The following WDTC1 variants were observed in gnomAD, a reference collection of about 807,000 sequenced individuals.
The protein encoded by WDTC1 is WD and tetratricopeptide repeats protein 1.
A neutral mutation model predicts 76.0 loss-of-function variants in WDTC1; 12 were observed. The ratio of observed to expected loss-of-function variants is 0.16; its 90% CI spans 0.10 to 0.26. The LOEUF (loss-of-function observed/expected upper bound fraction) is 0.26, where lower values mean the gene tolerates loss of function less well. Among genes scored for constraint, WDTC1 ranks in the 10% least tolerant of loss-of-function variants. WDTC1 has a pLI of 1.00. For missense variants in WDTC1, 511 were observed against 908.8 expected (o/e 0.56, Z 5.63); for synonymous variants, 326 against 350.8 (o/e 0.93, Z 0.79).
intron 2 of WDTC1, 65 bp downstream of exon 2, chr1:27,261,167 G>C: frequency 6.2e-7 from 1 of 1,600,278 alleles, no homozygotes; most frequent in Non-Finnish European, 8.5e-7. Flanking sequence ...TGATTTTACA[G>C]ATGAAAAAAC....
At chr1:27,270,614 G>A (rs745832222) in intron 3 of WDTC1, among the ~76,000 whole-genome samples, 1 of 152,106 alleles carries the variant, frequency 6.6e-6, no homozygotes, top group Non-Finnish European at 1.5e-5. Flanking sequence ...AATTGCTTGA[G>A]CCTGGGGGGA....
At position 27,296,532 on chromosome 1, in the gene WDTC1, C is replaced by A. The variant is rs553658737; in HGVS notation, c.949+131C>A. On this transcript the variant is annotated intron_variant, in intron 10 of 15. Coordinates refer to ENST00000319394, the MANE Select transcript of WDTC1 (RefSeq NM_001276252.2). Reference sequence around the variant, plus strand: ...AAAATAGCAGATCTCTGAAATAACCCCACCTATGCAGTAAGAAAGAGGATG... The same window carrying A: ...AAAATAGCAGATCTCTGAAATAACCACACCTATGCAGTAAGAAAGAGGATG... 5.0e-4 allele frequency: 452 copies of A among 912,556 alleles called. 3 individuals are homozygous for A. Among genetic ancestry groups the A allele is most frequent in the Non-Finnish European group, 5.4e-4 (313 of 576,510 alleles). The allele number at this position is 912,556 out of a possible 1,614,324, so 56.5% of individuals were successfully genotyped here.
chr1:27,262,442 G>A (rs1370959955), intron 2 of WDTC1, among the ~76,000 whole-genome samples: 2 of 151,784 alleles, frequency 1.3e-5, no homozygotes, highest in South Asian at 2.1e-4. Context: ...AGGCTGGAGT[G>A]CAGTGGCATG....
At chr1:27,247,467 C>A (rs189308321) in intron 1 of WDTC1, among the ~76,000 whole-genome samples, 57 of 152,244 alleles carry the variant, frequency 3.7e-4, no homozygotes, top group Middle Eastern at 3.4e-3. Flanking sequence ...TTCTGATCCT[C>A]TTCCTCTTCC....
intron 6 of WDTC1, among the ~76,000 whole-genome samples, chr1:27,289,661 C>T (rs557880098): frequency 1.4e-3 from 220 of 152,280 alleles, no homozygotes; most frequent in Non-Finnish European, 2.6e-3. Flanking sequence ...TGTAGCAAGC[C>T]GAGATCACGC....
chr1:27,248,822 T>G (rs755820984), intron 1 of WDTC1, among the ~76,000 whole-genome samples: 22 of 152,084 alleles, frequency 1.4e-4, no homozygotes, highest in Non-Finnish European at 3.1e-4. Flanking sequence ...CACGCCCAGC[T>G]AATTTTTTAA....
At position 27,250,313 on chromosome 1, in the gene WDTC1, A is replaced by G. The variant is rs924001365; in HGVS notation, c.-99-10643A>G. The stretch of plus-strand genomic sequence containing the variant: ...GCGATTCTCCTGCCTCAGCCTCCCA[A>G]GTAACTTTGTATTTTTAGTAGAAAC... On this transcript the variant is annotated intron_variant, in intron 1 of 15. Transcript: ENST00000319394. 2.0e-5 allele frequency among the ~76,000 whole-genome samples: 3 copies of G among 152,046 alleles called. No homozygotes were observed. In the East Asian group the frequency reaches 5.8e-4, roughly 29 times the overall value.
chr1:27,301,964 G>A lies in WDTC1; in HGVS notation c.1468+503G>A, dbSNP rs956950109. 1.3e-5 allele frequency among the ~76,000 whole-genome samples: 2 copies of A among 152,178 alleles called. No individual in the cohort carries two copies. The highest frequency in any genetic ancestry group is 6.5e-5 in the Admixed American group (1 of 15,282). On this transcript the variant is annotated intron_variant, in intron 13 of 15. Coordinates refer to ENST00000319394, the MANE Select transcript of WDTC1 (RefSeq NM_001276252.2). This position sits in a 1 kb window ranked among gnomAD's most constrained non-coding sequence, Gnocchi z 5.8. The stretch of plus-strand genomic sequence containing the variant: ...CTCCACCACCTGACTGTGTGGCCTT[G>A]AAGAAAGCACAGCCTCTCTACCTAC...
chr1:27,265,808 A>G (rs1219450275), intron 3 of WDTC1, among the ~76,000 whole-genome samples: 1 of 152,082 alleles, frequency 6.6e-6, no homozygotes, highest in Non-Finnish European at 1.5e-5. Flanking sequence ...TCAGTCGGCC[A>G]TGGTGGTGTG....
intron 3 of WDTC1, among the ~76,000 whole-genome samples, chr1:27,268,500 C>T (rs944566436): frequency 1.3e-5 from 2 of 151,808 alleles, no homozygotes; most frequent in Non-Finnish European, 2.9e-5. Flanking sequence ...CTCACTGCAA[C>T]CTCCGCCTCC....
In WDTC1 at chr1:27,302,463, G is replaced by T. The variant is rs564620285; in HGVS notation, c.1468+1002G>T. Reference sequence around the variant, plus strand: ...AAAATATAGCTGTGTGGCCTAGCGCGGTGGCTCACGCTTATAATCCCAGCA... The same window carrying T: ...AAAATATAGCTGTGTGGCCTAGCGCTGTGGCTCACGCTTATAATCCCAGCA... On this transcript the variant is annotated intron_variant, in intron 13 of 15. Coordinates refer to ENST00000319394, the MANE Select transcript of WDTC1 (RefSeq NM_001276252.2). 4.3e-4 allele frequency among the ~76,000 whole-genome samples: 66 copies of T among 152,230 alleles called. No homozygotes were observed. In the South Asian group the frequency reaches 0.013, roughly 30 times the overall value.
chr1:27,270,136 C>G (rs1286305804), intron 3 of WDTC1, among the ~76,000 whole-genome samples: 2 of 152,112 alleles, frequency 1.3e-5, no homozygotes, highest in Non-Finnish European at 2.9e-5. Flanking sequence ...GTTGCCCAGG[C>G]TGGTTTTGAA....
chr1:27,245,914 A>G (rs1010353962), intron 1 of WDTC1, among the ~76,000 whole-genome samples: 2 of 151,820 alleles, frequency 1.3e-5, no homozygotes, highest in African/African-American at 2.4e-5. Flanking sequence ...AAGAGAATAC[A>G]GATGTTTTAG....
chr1:27,292,721 C>G (rs990199979), intron 7 of WDTC1, among the ~76,000 whole-genome samples: 18 of 151,322 alleles, frequency 1.2e-4, no homozygotes, highest in African/African-American at 4.1e-4. Flanking sequence ...GCCACTGTGC[C>G]TGGCCCCTTC....
chr1:27,293,852 A>G (rs1557505262), intron 7 of WDTC1, among the ~76,000 whole-genome samples, 170 bp from the exon 8 acceptor site: 1 of 152,180 alleles, frequency 6.6e-6, no homozygotes, highest in Non-Finnish European at 1.5e-5. Flanking sequence ...ACTGTAATGT[A>G]TATGTCTGTA....
intron 3 of WDTC1, among the ~76,000 whole-genome samples, chr1:27,277,572 T>A: frequency 6.6e-6 from 1 of 152,092 alleles, no homozygotes; most frequent in African/African-American, 2.4e-5. Context: ...GCTGGGATTA[T>A]AGGTACAAGC....
chr1:27,234,636 T>C lies in WDTC1; in HGVS notation c.-415T>C, dbSNP rs144350052. ...GCGTGGCGCAGGCGCGTTGCTGGGC[T>C]TCTCCTGGGTCCCCAGACAGCTGGA... On this transcript the variant is annotated 5_prime_UTR_variant, in exon 1 of 16. Coordinates refer to ENST00000319394, the MANE Select transcript of WDTC1 (RefSeq NM_001276252.2). 0.014 allele frequency: 5,707 copies of C among 394,318 alleles called. 66 individuals are homozygous for C. The highest frequency in any genetic ancestry group is 0.02 in the Middle Eastern group (31 of 1,580). The allele number at this position is 394,318 out of a possible 1,614,324, so 24.4% of individuals were successfully genotyped here. A position where few individuals can be genotyped will look rare whatever the true frequency, so the allele number is the denominator to read the frequency against.
intron 3 of WDTC1, among the ~76,000 whole-genome samples, chr1:27,278,191 A>C (rs2013086446): frequency 6.6e-6 from 1 of 152,142 alleles, no homozygotes; most frequent in South Asian, 2.1e-4. Context: ...TTATAAGTAA[A>C]GTTTTATGGG....
intron 1 of WDTC1, among the ~76,000 whole-genome samples, chr1:27,260,365 G>A (rs1240665514): frequency 6.6e-6 from 1 of 152,134 alleles, no homozygotes; most frequent in Non-Finnish European, 1.5e-5. Context: ...TCGGCCTCCC[G>A]AAGTTCTGGG....
Sources: allele counts gnomAD v4.1 joint callset (sites outside exome capture counted in the v4.1 genomes callset), GRCh38; gene constraint gnomAD v4.1.1; non-coding constraint Gnocchi (gnomAD v3.1); transcripts MANE v1.5; gene names NCBI Gene and HGNC (gene_info 2026-07-23, HGNC 2026-07-21).